The following ORC3 variants were observed in gnomAD, a reference collection of about 807,000 sequenced individuals.
ORC3 encodes homolog of latheo, Drosophila.
A neutral mutation model predicts 100.7 loss-of-function variants in ORC3; 78 were observed. That is an observed-to-expected ratio of 0.77 (90% CI 0.65 to 0.94). The LOEUF (loss-of-function observed/expected upper bound fraction) is 0.94. ORC3 is among the 40% of genes least tolerant of loss of function. The probability of loss-of-function intolerance (pLI) is 0.00; values close to 1 mark genes in which losing one functional copy is unlikely to be tolerated. For missense variants in ORC3, 789 were observed against 823.9 expected, an observed-to-expected ratio of 0.96 and a Z score of 0.52; for synonymous variants, 295 against 289.3, an observed-to-expected ratio of 1.02 and a Z score of -0.20.
At chr6:87,625,774 A>G (rs759086535) in intron 11 of ORC3, among the ~76,000 whole-genome samples, 1 of 151,840 alleles carries the variant, frequency 6.6e-6, no homozygotes, top group African/African-American at 2.4e-5. Flanking sequence ...GCCCATGCCT[A>G]GTCTTGGTAT....
At chr6:87,674,257 G>A in the ORC3 span, among the ~76,000 whole-genome samples, 8 of 139,216 alleles carry the variant, frequency 5.7e-5, no homozygotes, top group Non-Finnish European at 9.0e-5. Flanking sequence ...AGCCGAGATC[G>A]TGCCACTGCA....
intron 11 of ORC3, among the ~76,000 whole-genome samples, chr6:87,623,932 C>G (rs1779710649): frequency 6.6e-6 from 1 of 152,036 alleles, no homozygotes; most frequent in South Asian, 2.1e-4. Context: ...ACATTTATGT[C>G]TGCTTTTCAG....
intron 4 of ORC3, among the ~76,000 whole-genome samples, chr6:87,604,975 C>T (rs111805427): frequency 2.0e-5 from 3 of 152,212 alleles, no homozygotes; most frequent in African/African-American, 7.2e-5. Flanking sequence ...CTGTTATCTG[C>T]CTAAGCACCA....
chr6:87,609,100 C>T lies in ORC3; in HGVS notation c.584C>T (p.Thr195Met), dbSNP rs146286747. The change falls in exon 7 of 20, where the codon ACG becomes ATG. Residue 195 changes from threonine (T) to methionine (M), a missense_variant. Around this residue, in one of 3 missense-constraint regions of ORC3, gnomAD observed 399 missense variants for 382.0 expected, o/e 1.04. Transcript: ENST00000392844. ...CTTTCTGCAATGGCTTAAAAGAAGA[C>T]GGACCCAAAAATGCTAAGCAAAAAA... ...SSWYMTVTQK[T>M]DPKMLSKKRT... is the part of the protein sequence containing the mutation. The T allele has an allele frequency of 1.1e-4, 171 of 1,598,100 alleles. No homozygotes were observed. Among genetic ancestry groups the T allele is most frequent in the Middle Eastern group, 3.3e-4 (2 of 5,986 alleles).
downstream of ORC3, among the ~76,000 whole-genome samples, chr6:87,670,648 T>G (rs920573918): frequency 8.5e-5 from 13 of 152,184 alleles, no homozygotes; most frequent in Non-Finnish European, 1.6e-4. Context: ...AAAGGAAGTA[T>G]TCTGCCTTAC....
chr6:87,616,512 C>T, intron 9 of ORC3, 85 bp downstream of exon 9: 1 of 579,376 alleles, frequency 1.7e-6, no homozygotes, highest in Non-Finnish European at 3.2e-6. Flanking sequence ...GTGTGATAGG[C>T]ATTTTAAATG....
In ORC3 at chr6:87,634,844, G is replaced by A. The variant is rs756980100; in HGVS notation, c.1186-1G>A. 4.4e-6 allele frequency: 6 copies of A among 1,370,966 alleles called. No individual in the cohort carries two copies. The highest frequency in any genetic ancestry group is 1.8e-4 in the Middle Eastern group (1 of 5,636). 84.9% of individuals were successfully genotyped at this position (1,370,966 alleles called of 1,614,324 possible). A position where few individuals can be genotyped will look rare whatever the true frequency, so the allele number is the denominator to read the frequency against. On this transcript the variant is annotated splice_acceptor_variant, in intron 11 of 19. Transcript: ENST00000392844. LOFTEE classifies it high-confidence loss of function. ...TTAATAATATATTCTGTGATTTTTA[G>A]GAGGAAACACAATTATTACTAGAAA...
intron 6 of ORC3, 111 bp downstream of exon 6, chr6:87,607,935 C>G: frequency 1.6e-6 from 1 of 635,482 alleles, no homozygotes. Context: ...TTCTGCAGCA[C>G]TAGGTGTTAA....
chr6:87,662,915 A>C, intron 16 of ORC3, 88 bp from the exon 17 acceptor site: 1 of 811,954 alleles, frequency 1.2e-6, no homozygotes, highest in Non-Finnish European at 1.7e-6. Context: ...GAAGTCCAAC[A>C]GAGCTTAAAG....
chr6:87,604,471 A>G (rs1778190250), intron 4 of ORC3, among the ~76,000 whole-genome samples: 1 of 152,240 alleles, frequency 6.6e-6, no homozygotes, highest in African/African-American at 2.4e-5. Context: ...TGCAACATCT[A>G]AAAATTCTCC....
chr6:87,626,043 A>G (rs1779876322), intron 11 of ORC3, among the ~76,000 whole-genome samples: 1 of 152,080 alleles, frequency 6.6e-6, no homozygotes. Context: ...CCATTGGTCC[A>G]TATCTCTGTT....
At chr6:87,606,252 C>T (rs1285492852) in intron 5 of ORC3, among the ~76,000 whole-genome samples, 1 of 152,128 alleles carries the variant, frequency 6.6e-6, no homozygotes, top group Non-Finnish European at 1.5e-5. Context: ...GCTTAACTGC[C>T]GGTAGCAGTC....
chr6:87,643,746 C>G (rs917425275), intron 13 of ORC3, among the ~76,000 whole-genome samples: 3 of 152,246 alleles, frequency 2.0e-5, no homozygotes, highest in African/African-American at 7.2e-5. Flanking sequence ...TTCTTTCTTT[C>G]TTGTGAACTC....
intron 11 of ORC3, among the ~76,000 whole-genome samples, chr6:87,625,148 A>G (rs1054471761): frequency 5.3e-5 from 8 of 152,184 alleles, no homozygotes; most frequent in East Asian, 1.9e-4. Flanking sequence ...TAGTGCCGCA[A>G]TAAACACACG....
chr6:87,620,731 A>T (rs1465039768), intron 9 of ORC3, among the ~76,000 whole-genome samples: 1 of 152,178 alleles, frequency 6.6e-6, no homozygotes, highest in Non-Finnish European at 1.5e-5. Context: ...GATTATCCAA[A>T]CGTTCATTAT....
At chr6:87,676,596 A>AACACACGCGCGCGCGCACACACAC in the ORC3 span, among the ~76,000 whole-genome samples, 2 of 142,046 alleles carry the variant, frequency 1.4e-5, no homozygotes, top group African/African-American at 5.4e-5. Context: ...CTCTACTAAA[A>AACACACGCGCGCGCGCACACACAC]ACACACACAC....
At chr6:87,662,436 A>G (rs1158176775) in intron 16 of ORC3, among the ~76,000 whole-genome samples, 1 of 152,150 alleles carries the variant, frequency 6.6e-6, no homozygotes, top group East Asian at 1.9e-4. Context: ...CCGTCTCAAA[A>G]AAAACCAAAA....
chr6:87,675,542 C>T, the ORC3 span: 2 of 1,605,808 alleles, frequency 1.2e-6, no homozygotes, highest in Admixed American at 1.7e-5. Context: ...TAATTGGGAC[C>T]TCTTGCAACA....
At chr6:87,664,957 T>A (rs1770483645) in intron 18 of ORC3, 98 bp downstream of exon 18, 3 of 706,694 alleles carry the variant, frequency 4.2e-6, no homozygotes, top group African/African-American at 3.6e-5. Flanking sequence ...GGAATTTATC[T>A]TGTGTTTAAT....
Sources: allele counts gnomAD v4.1 joint callset (sites outside exome capture counted in the v4.1 genomes callset), GRCh38; gene constraint gnomAD v4.1.1; regional missense constraint gnomAD v4.1.1; transcripts MANE v1.5; gene names NCBI Gene and HGNC (gene_info 2026-07-23, HGNC 2026-07-21).